EPHA6: variants seen among roughly 807,000 people sequenced by gnomAD.
EPHA6 encodes ephrin type-A receptor 6.
EPHA6 carries 50 observed loss-of-function variants against 112.0 expected under a neutral mutation model. The ratio of observed to expected loss-of-function variants is 0.45; its 90% CI spans 0.36 to 0.56. The LOEUF (loss-of-function observed/expected upper bound fraction) is 0.56. Ranked by LOEUF, EPHA6 falls within the 20% of genes least tolerant of loss-of-function variation. The pLI is 0.00. For missense variants in EPHA6, 1,280 were observed against 1,417.4 expected (o/e 0.90, Z 1.56); for synonymous variants, 529 against 490.7 (o/e 1.08, Z -1.03).
rs921507051 is a variant in EPHA6 at position 97,753,769 on chromosome 3, G to A, written c.*5068G>A. Among the ~76,000 whole-genome samples the A allele has an allele frequency of 3.9e-5, 6 of 151,984 alleles. No homozygotes were observed. Among genetic ancestry groups the A allele is most frequent in the African/African-American group, 1.2e-4 (5 of 41,354 alleles). ...ACAGGGGAAATAGATGATTACTCCTGACTATAACATATTACTAAGTGAAAT... is the reference window on the plus strand; with the variant it reads ...ACAGGGGAAATAGATGATTACTCCTAACTATAACATATTACTAAGTGAAAT... On this transcript the variant is annotated 3_prime_UTR_variant, in exon 18 of 18. Transcript: ENST00000389672.
chr3:97,180,816 G>A (rs2076966992), intron 3 of EPHA6, among the ~76,000 whole-genome samples: 1 of 152,014 alleles, frequency 6.6e-6, no homozygotes, highest in African/African-American at 2.4e-5. Flanking sequence ...GTGCAGCCTG[G>A]GGTTAGGGGA....
chr3:97,058,911 A>AG (rs1402845332), intron 3 of EPHA6, among the ~76,000 whole-genome samples: 1 of 152,174 alleles, frequency 6.6e-6, no homozygotes, highest in Non-Finnish European at 1.5e-5. Flanking sequence ...CAAATCCTGG[A>AG]GGGAAAATGT....
At chr3:97,553,865 T>C (rs144001498) in intron 11 of EPHA6, among the ~76,000 whole-genome samples, 47 of 152,268 alleles carry the variant, frequency 3.1e-4, no homozygotes, top group African/African-American at 9.6e-4. Context: ...ATGTCTACTG[T>C]ATGGCTTTCA....
intron 3 of EPHA6, 106 bp from the exon 4 acceptor site, chr3:97,226,156 CTG>C: frequency 1.2e-6 from 1 of 852,006 alleles, no homozygotes; most frequent in Non-Finnish European, 1.7e-6. Context: ...ATGTGTAACA[CTG>C]TACTCTGAGA....
At chr3:97,507,855 T>G (rs1024635414) in intron 10 of EPHA6, among the ~76,000 whole-genome samples, 1 of 152,196 alleles carries the variant, frequency 6.6e-6, no homozygotes, top group Non-Finnish European at 1.5e-5. Flanking sequence ...ATTGATCTAT[T>G]CAGGGATTCG....
chr3:97,707,317 C>T (rs2033731334), intron 14 of EPHA6, among the ~76,000 whole-genome samples: 1 of 152,048 alleles, frequency 6.6e-6, no homozygotes, highest in Non-Finnish European at 1.5e-5. Flanking sequence ...ATGAAAGATC[C>T]TCCAAAACTC....
intron 3 of EPHA6, among the ~76,000 whole-genome samples, chr3:97,031,758 C>T (rs1295489788): frequency 6.6e-6 from 1 of 152,110 alleles, no homozygotes; most frequent in Non-Finnish European, 1.5e-5. Context: ...TACCATCTCA[C>T]ACCATTTAGA....
Position 97,099,202 on chromosome 3 carries a change from G to T in EPHA6, c.1114+111209G>T, listed in dbSNP as rs1002426975. Among the ~76,000 whole-genome samples the T allele has an allele frequency of 2.0e-5, 3 of 151,764 alleles. No individual in the cohort carries two copies. The Admixed American group carries it at 2.0e-4, about 10-fold the overall frequency. ...AGCTTCCTTATTGTTAATCACAGTT[G>T]AGGTATCTATTTTCAGCAGACTTAT... is the stretch of plus-strand genomic sequence containing the variant. On this transcript the variant is annotated intron_variant, in intron 3 of 17. Transcript: ENST00000389672.
chr3:97,525,118 T>G (rs2092600325), intron 10 of EPHA6, among the ~76,000 whole-genome samples: 1 of 152,164 alleles, frequency 6.6e-6, no homozygotes, highest in Non-Finnish European at 1.5e-5. Context: ...TTGGATACTC[T>G]CATAAATTTT....
At chr3:97,280,130 C>T (rs1423454028) in intron 5 of EPHA6, among the ~76,000 whole-genome samples, 2 of 152,214 alleles carry the variant, frequency 1.3e-5, no homozygotes, top group African/African-American at 4.8e-5. Context: ...GTGATCCACC[C>T]GCCTTGGCCT....
chr3:97,301,165 G>A (rs2081076550), intron 5 of EPHA6, among the ~76,000 whole-genome samples: 1 of 151,818 alleles, frequency 6.6e-6, no homozygotes, highest in South Asian at 2.1e-4. Flanking sequence ...ATCTTGGCAG[G>A]GTATTTAAAA....
chr3:97,383,574 A>G (rs2109028486), intron 5 of EPHA6, among the ~76,000 whole-genome samples: 1 of 152,190 alleles, frequency 6.6e-6, no homozygotes, highest in Middle Eastern at 3.4e-3. Flanking sequence ...GAGAATTGCG[A>G]GAAAGTATAT....
intron 14 of EPHA6, among the ~76,000 whole-genome samples, chr3:97,657,595 C>A (rs781358758): frequency 2.0e-5 from 3 of 151,772 alleles, no homozygotes; most frequent in South Asian, 2.1e-4. Context: ...CCTTGTACCT[C>A]GGTTTCCACA....
At chr3:97,183,120 G>A (rs1158738000) in intron 3 of EPHA6, among the ~76,000 whole-genome samples, 1 of 151,848 alleles carries the variant, frequency 6.6e-6, no homozygotes, top group African/African-American at 2.4e-5. Context: ...ATAACACTGT[G>A]CAATTGTAAT....
At chr3:96,838,114 C>T (rs2034527476) in intron 1 of EPHA6, among the ~76,000 whole-genome samples, 1 of 150,610 alleles carries the variant, frequency 6.6e-6, no homozygotes, top group South Asian at 2.1e-4. Flanking sequence ...ATGTTTACAT[C>T]ATTCAGCTCC....
intron 11 of EPHA6, among the ~76,000 whole-genome samples, chr3:97,538,981 CTCTTTCTTTCTTTCTT>C (rs796705721): frequency 1.0e-3 from 131 of 130,238 alleles, no homozygotes; most frequent in East Asian, 2.2e-3. Context: ...CACTTTCTCT[CTCTTTCTTTCTTTCTT>C]TCTTTCTTTC....
At chr3:97,429,158 A>G (rs1465964075) in intron 6 of EPHA6, among the ~76,000 whole-genome samples, 2 of 152,152 alleles carry the variant, frequency 1.3e-5, no homozygotes, top group African/African-American at 4.8e-5. Flanking sequence ...CGCTTTGGGA[A>G]ATGATTTAAG....
chr3:96,908,547 A>G (rs1036510032), intron 2 of EPHA6, among the ~76,000 whole-genome samples: 27 of 151,614 alleles, frequency 1.8e-4, no homozygotes, highest in African/African-American at 5.6e-4. Context: ...GGGTAAACTT[A>G]TATGTTTTCA....
chr3:97,709,700 C>G (rs1200337010), intron 14 of EPHA6, among the ~76,000 whole-genome samples: 1 of 152,148 alleles, frequency 6.6e-6, no homozygotes, highest in Non-Finnish European at 1.5e-5. Context: ...GTAATCCCCA[C>G]ATGTCAAGGG....
Sources: allele counts gnomAD v4.1 joint callset (sites outside exome capture counted in the v4.1 genomes callset), GRCh38; gene constraint gnomAD v4.1.1; transcripts MANE v1.5; gene names NCBI Gene and HGNC (gene_info 2026-07-23, HGNC 2026-07-21).